The following CEP170 variants were observed in gnomAD, a reference collection of about 807,000 sequenced individuals.
CEP170 encodes the protein centrosomal protein 170.
CEP170 carries 21 observed loss-of-function variants against 151.9 expected under a neutral mutation model. That is an observed-to-expected ratio of 0.14 (90% CI 0.10 to 0.20). The LOEUF (loss-of-function observed/expected upper bound fraction) is 0.20, where lower values mean the gene tolerates loss of function less well. Among genes scored for constraint, CEP170 ranks in the 10% least tolerant of loss-of-function variants. CEP170 has a pLI of 1.00. For synonymous variants in CEP170, 356 were observed against 648.8 expected, an observed-to-expected ratio of 0.55 and a Z score of 6.86; for missense variants, 964 against 1,892.9, an observed-to-expected ratio of 0.51 and a Z score of 9.11.
rs374938895 is a variant in CEP170, at chr1:243,164,767, G to A, written c.3193C>T (p.His1065Tyr). The change falls in exon 13 of 20, where the codon CAT becomes TAT. Residue 1065 changes from histidine to tyrosine, a missense_variant. By Grantham distance (83) the His-to-Tyr change is moderately conservative (BLOSUM62 2). Coordinates refer to ENST00000366542, the MANE Select transcript of CEP170 (RefSeq NM_014812.3). ...ACTTTACTTCCTTCCAGTTTGGAATGTACATGCTCATCAGCTGAGGTAAGT... is the reference window on the plus strand; with the variant it reads ...ACTTTACTTCCTTCCAGTTTGGAATATACATGCTCATCAGCTGAGGTAAGT... ...TPLTSADEHVHSKLEGSKVTK... is the reference protein window; with the variant it reads ...TPLTSADEHVYSKLEGSKVTK... 6.2e-6 allele frequency: 10 copies of A among 1,612,754 alleles called. No homozygotes were observed. In the African/African-American group the frequency reaches 1.2e-4, roughly 19 times the overall value.
intron 1 of CEP170, among the ~76,000 whole-genome samples, chr1:243,226,058 G>GATATATATATATCTATATCTAGAT (rs10632118): frequency 7.3e-5 from 8 of 109,902 alleles, no homozygotes; most frequent in South Asian, 2.5e-4. Flanking sequence ...TATATATCTA[G>GATATATATATATCTATATCTAGAT]ATATATATAT....
chr1:243,211,119 A>C (rs1009550958), intron 4 of CEP170: 5 of 151,980 alleles, frequency 3.3e-5, no homozygotes, highest in African/African-American at 9.7e-5. Flanking sequence ...AAAAAAAAAA[A>C]AAACAACCTT....
intron 1 of CEP170, among the ~76,000 whole-genome samples, chr1:243,233,747 T>C (rs201637852): frequency 8.0e-6 from 1 of 124,262 alleles, no homozygotes; most frequent in Admixed American, 9.0e-5. Flanking sequence ...AAAAAATATA[T>C]ATATATATAT....
intron 1 of CEP170, among the ~76,000 whole-genome samples, chr1:243,243,857 C>CACACACAT (rs1291491841): frequency 1.3e-5 from 2 of 152,148 alleles, no homozygotes; most frequent in African/African-American, 4.8e-5. Context: ...ACACCACACA[C>CACACACAT]ACACACATAC....
At chr1:243,190,137 C>T (rs2148755632) in intron 8 of CEP170, among the ~76,000 whole-genome samples, 1 of 152,306 alleles carries the variant, frequency 6.6e-6, no homozygotes. Context: ...GTACCTATCA[C>T]ATGCTCAAGT....
intron 14 of CEP170, among the ~76,000 whole-genome samples, chr1:243,152,346 A>C (rs1205712875): frequency 6.5e-5 from 9 of 139,344 alleles, no homozygotes; most frequent in African/African-American, 2.2e-4. Flanking sequence ...CTCAGCCTCC[A>C]GGGTAGCTGA....
intron 1 of CEP170, among the ~76,000 whole-genome samples, chr1:243,240,633 ATTT>A (rs71736622): frequency 1.6e-4 from 21 of 134,072 alleles, no homozygotes; most frequent in African/African-American, 1.9e-4. Context: ...GGGTATCTGT[ATTT>A]TTTTTTTTTT....
chr1:243,147,115 C>T (rs2148370375), intron 14 of CEP170, among the ~76,000 whole-genome samples: 1 of 152,220 alleles, frequency 6.6e-6, no homozygotes, highest in Admixed American at 6.5e-5. Flanking sequence ...TACTACACTG[C>T]CTACAAATAA....
At chr1:243,214,594 T>C (rs1233582787) in intron 3 of CEP170, among the ~76,000 whole-genome samples, 1 of 151,600 alleles carries the variant, frequency 6.6e-6, no homozygotes, top group Non-Finnish European at 1.5e-5. Context: ...CCAAAATTTT[T>C]AAAACACTGT....
intron 15 of CEP170, among the ~76,000 whole-genome samples, chr1:243,141,282 C>G (rs1390813759): frequency 2.0e-5 from 3 of 152,144 alleles, no homozygotes; most frequent in Non-Finnish European, 4.4e-5. Context: ...AATAAAACCT[C>G]AGGCTTTGCA....
chr1:243,139,370 T>A (rs1311547018), intron 16 of CEP170, among the ~76,000 whole-genome samples: 1 of 152,160 alleles, frequency 6.6e-6, no homozygotes, highest in African/African-American at 2.4e-5. Flanking sequence ...TTCTCTTTGG[T>A]GAAATGTTGT....
rs1388345435 is a variant in CEP170, at chr1:243,172,700, T to C, written c.1713A>G (p.Ser571=). The change falls in exon 11 of 20, where the codon TCA becomes TCG. Residue 571 remains serine, a synonymous_variant. Transcript: ENST00000366542. ...KPLTTSGFHH[S]EEGTSSSGSK... ...GGTACACAGAAGAGATGTATACCTC[T>C]GAGTGGTGAAATCCAGATGTAGTCA... 1 of 1,591,532 alleles carries C rather than the reference T, an allele frequency of 6.3e-7. No homozygotes were observed. The highest frequency in any genetic ancestry group is 8.6e-7 in the Non-Finnish European group (1 of 1,169,390).
intron 1 of CEP170, among the ~76,000 whole-genome samples, chr1:243,235,740 C>A (rs1411725498): frequency 6.6e-6 from 1 of 151,506 alleles, no homozygotes; most frequent in Non-Finnish European, 1.5e-5. Context: ...TACCACACCA[C>A]ATATTCTATG....
chr1:243,235,550 A>ATG (rs1484807260), intron 1 of CEP170, among the ~76,000 whole-genome samples: 1 of 152,174 alleles, frequency 6.6e-6, no homozygotes, highest in Non-Finnish European at 1.5e-5. Flanking sequence ...TTATTCTGGA[A>ATG]TGACTACTCT....
intron 15 of CEP170, among the ~76,000 whole-genome samples, chr1:243,141,423 G>A (rs2055820144): frequency 6.6e-6 from 1 of 152,144 alleles, no homozygotes; most frequent in South Asian, 2.1e-4. Context: ...TGAATTTCAT[G>A]TAATTTTCAT....
chr1:243,169,943 T>G (rs1054793734), intron 11 of CEP170, among the ~76,000 whole-genome samples, 189 bp from the exon 12 acceptor site: 1 of 152,112 alleles, frequency 6.6e-6, no homozygotes, highest in Non-Finnish European at 1.5e-5. Flanking sequence ...AGATCTTCTC[T>G]GAAAAAAACT....
chr1:243,170,545 G>A (rs1341985255), intron 11 of CEP170, among the ~76,000 whole-genome samples: 1 of 152,154 alleles, frequency 6.6e-6, no homozygotes, highest in Non-Finnish European at 1.5e-5. Flanking sequence ...TGTAATCCCA[G>A]CATTTTGGGA....
chr1:243,210,608 A>ATT (rs751388751), intron 4 of CEP170, among the ~76,000 whole-genome samples: 24,123 of 67,894 alleles, frequency 0.36, 6,411 homozygotes, highest in Admixed American at 0.45. Flanking sequence ...ATTTTTCGTA[A>ATT]TTTTTTTTTT....
chr1:243,181,716 C>G (rs1274693311), intron 10 of CEP170, among the ~76,000 whole-genome samples: 2 of 152,188 alleles, frequency 1.3e-5, no homozygotes, highest in Non-Finnish European at 2.9e-5. Context: ...TCATAGTTAA[C>G]ATCAGTGTGT....
Sources: allele counts gnomAD v4.1 joint callset (sites outside exome capture counted in the v4.1 genomes callset), GRCh38; gene constraint gnomAD v4.1.1; transcripts MANE v1.5; gene names NCBI Gene and HGNC (gene_info 2026-07-23, HGNC 2026-07-21).